The following ROBO1 variants were observed in gnomAD, a reference collection of about 807,000 sequenced individuals.
ROBO1 encodes roundabout guidance receptor 1, also known as roundabout homolog 1.
ROBO1 carries 149 observed loss-of-function variants against 195.9 expected under a neutral mutation model. The ratio of observed to expected loss-of-function variants is 0.76; its 90% confidence interval spans 0.67 to 0.87. The LOEUF (loss-of-function observed/expected upper bound fraction) is 0.87, where lower values mean the gene tolerates loss of function less well. ROBO1 is among the 40% of genes least tolerant of loss of function. The pLI is 0.00. For synonymous variants in ROBO1, 816 were observed against 733.2 expected (o/e 1.11, Z -1.82); for missense variants, 1,933 against 2,068.3 (o/e 0.93, Z 1.27).
Position 79,745,757 on chromosome 3 carries a change from C to A in ROBO1, c.-51+21995G>T, listed in dbSNP as rs188682237. Among the ~76,000 whole-genome samples the A allele has an allele frequency of 4.6e-5, 7 of 152,154 alleles. No homozygotes were observed. In the East Asian group the frequency reaches 1.2e-3, roughly 25 times the overall value. On this transcript the variant is annotated intron_variant, in intron 1 of 30. Coordinates refer to ENST00000464233, the MANE Select transcript of ROBO1 (RefSeq NM_002941.4). Reference sequence around the variant, plus strand: ...AGTATAGTCTATTAGAGTGTAATTACAATTATAAGGAAATAAGTTAGTTCA... The same window carrying A: ...AGTATAGTCTATTAGAGTGTAATTAAAATTATAAGGAAATAAGTTAGTTCA...
At chr3:78,672,069 C>G (rs1370046567) in intron 10 of ROBO1, among the ~76,000 whole-genome samples, 1 of 152,092 alleles carries the variant, frequency 6.6e-6, no homozygotes, top group African/African-American at 2.4e-5. Flanking sequence ...TTCTCTAAGC[C>G]TCAGTTTTGT....
intron 8 of ROBO1, among the ~76,000 whole-genome samples, chr3:78,698,655 C>A (rs1367338025): frequency 3.3e-5 from 5 of 152,098 alleles, no homozygotes; most frequent in African/African-American, 1.2e-4. Context: ...CCCAAGACAA[C>A]GTCCCAAAGC....
intron 2 of ROBO1, among the ~76,000 whole-genome samples, chr3:79,558,705 T>G (rs1319045803): frequency 6.6e-6 from 1 of 152,184 alleles, no homozygotes; most frequent in Non-Finnish European, 1.5e-5. Flanking sequence ...GTTATGAATG[T>G]TGTCTCGGAT....
chr3:78,620,881 A>ATGTGTGTGTG (rs778171914), intron 26 of ROBO1, among the ~76,000 whole-genome samples: 10 of 27,556 alleles, frequency 3.6e-4, no homozygotes, highest in Admixed American at 1.2e-3. Context: ...TTATATATAT[A>ATGTGTGTGTG]TATGTGTGTG....
intron 3 of ROBO1, among the ~76,000 whole-genome samples, chr3:79,089,945 T>C (rs1840599): frequency 1.7e-4 from 2 of 11,938 alleles, no homozygotes; most frequent in Non-Finnish European, 3.2e-4. Context: ...CTTTCTTTTT[T>C]TTTTTTTTTT....
At chr3:79,701,987 C>T (rs868039433) in intron 1 of ROBO1, among the ~76,000 whole-genome samples, 1 of 151,690 alleles carries the variant, frequency 6.6e-6, no homozygotes, top group Non-Finnish European at 1.5e-5. Context: ...ATCTAAACTT[C>T]GTCCTCTCAT....
At position 79,714,873 on chromosome 3, in the gene ROBO1, A is replaced by G. The variant is rs564387582; in HGVS notation, c.-51+52879T>C. On this transcript the variant is annotated intron_variant, in intron 1 of 30. Coordinates refer to ENST00000464233, the MANE Select transcript of ROBO1 (RefSeq NM_002941.4). The stretch of plus-strand genomic sequence containing the variant: ...TGGGGTGGGGGGAGGGGGGAGGGAT[A>G]GCATTAGGAGATATACCTAATGCTA... Among the ~76,000 whole-genome samples the G allele has an allele frequency of 7.8e-4, 116 of 148,018 alleles. 1 individual carries two copies. Among genetic ancestry groups the G allele is most frequent in the African/African-American group, 2.9e-3 (115 of 39,554 alleles).
chr3:79,703,961 A>C (rs1030838439), intron 1 of ROBO1, among the ~76,000 whole-genome samples: 1 of 152,074 alleles, frequency 6.6e-6, no homozygotes, highest in African/African-American at 2.4e-5. Context: ...GGACAGATTT[A>C]TTGTTTTATA....
In ROBO1 at chr3:79,573,456, A is replaced by G. The variant is rs572268244; in HGVS notation, c.88+16368T>C. On this transcript the variant is annotated intron_variant, in intron 2 of 30. Coordinates refer to ENST00000464233, the MANE Select transcript of ROBO1 (RefSeq NM_002941.4). ...TCACCAGAAATTAAAGATACAGTAGATTAGATATATGACAGTCTTCAATTA... is the reference window on the plus strand; with the variant it reads ...TCACCAGAAATTAAAGATACAGTAGGTTAGATATATGACAGTCTTCAATTA... 2.6e-5 allele frequency among the ~76,000 whole-genome samples: 4 copies of G among 152,324 alleles called. No homozygotes were observed. In the East Asian group the frequency reaches 7.7e-4, roughly 29 times the overall value.
intron 1 of ROBO1, among the ~76,000 whole-genome samples, chr3:79,715,839 G>T (rs78694934): frequency 0.068 from 10,314 of 152,064 alleles, 466 homozygotes; most frequent in Non-Finnish European, 0.1. Flanking sequence ...CATTTAAATA[G>T]AAGAACCAAA....
rs1469540385 is a variant in ROBO1 at position 78,711,368 on chromosome 3, TTCCTTCCTTCCTTC to T, written c.1045+3015_1045+3028del. On this transcript the variant is annotated intron_variant, in intron 8 of 30. Coordinates refer to ENST00000464233, the MANE Select transcript of ROBO1 (RefSeq NM_002941.4). ...CCTTCCTCCTTCCTTCCTTCCTTCCTTCCTTCCTTCCTTCCTTCCTTCCTTCCTTCCTTTCTTTC... is the reference window on the plus strand; with the variant it reads ...CCTTCCTCCTTCCTTCCTTCCTTCCTCTTCCTTCCTTCCTTCCTTTCTTTC... Among the ~76,000 whole-genome samples the T allele has an allele frequency of 4.0e-3, 239 of 59,798 alleles. 43 individuals carry two copies. Among genetic ancestry groups the T allele is most frequent in the East Asian group, 7.3e-3 (16 of 2,182 alleles). 39.2% of individuals were successfully genotyped at this position (59,798 alleles called of 152,430 possible). A position where few individuals can be genotyped will look rare whatever the true frequency, so the allele number is the denominator to read the frequency against.
intron 10 of ROBO1, among the ~76,000 whole-genome samples, chr3:78,677,346 A>G (rs1369981598): frequency 1.3e-5 from 2 of 152,172 alleles, no homozygotes; most frequent in East Asian, 1.9e-4. Flanking sequence ...ATGTAAATGG[A>G]CTAAATGCTC....
At chr3:79,236,154 C>G (rs572494856) in intron 2 of ROBO1, among the ~76,000 whole-genome samples, 1 of 150,848 alleles carries the variant, frequency 6.6e-6, no homozygotes, top group East Asian at 1.9e-4. Flanking sequence ...ACACGTATGA[C>G]ATTTTCATAC....
At chr3:79,325,331 T>G (rs1302977617) in intron 2 of ROBO1, among the ~76,000 whole-genome samples, 1 of 152,174 alleles carries the variant, frequency 6.6e-6, no homozygotes, top group Non-Finnish European at 1.5e-5. Context: ...TCCTACACAT[T>G]GTTTTATTTC....
At chr3:78,798,213 G>A (rs2084244322) in intron 4 of ROBO1, among the ~76,000 whole-genome samples, 1 of 152,110 alleles carries the variant, frequency 6.6e-6, no homozygotes, top group African/African-American at 2.4e-5. Context: ...TATCATTTCA[G>A]TAACTGTTAC....
At chr3:79,272,196 T>G (rs1025503121) in intron 2 of ROBO1, among the ~76,000 whole-genome samples, 1 of 151,978 alleles carries the variant, frequency 6.6e-6, no homozygotes, top group Non-Finnish European at 1.5e-5. Context: ...GAAAGAAAAT[T>G]TATAATGTAT....
At chr3:78,884,141 G>T (rs932965772) in intron 4 of ROBO1, among the ~76,000 whole-genome samples, 2 of 152,082 alleles carry the variant, frequency 1.3e-5, no homozygotes, top group African/African-American at 4.8e-5. Context: ...TGAACAGTTA[G>T]ATGCCAAGCA....
chr3:79,062,909 C>A (rs188921231), intron 3 of ROBO1, among the ~76,000 whole-genome samples: 1 of 150,814 alleles, frequency 6.6e-6, no homozygotes, highest in East Asian at 1.9e-4. Context: ...TGCAGCAAAC[C>A]AACATGGTAT....
intron 2 of ROBO1, among the ~76,000 whole-genome samples, chr3:79,315,190 C>T (rs2033677907): frequency 6.6e-6 from 1 of 152,052 alleles, no homozygotes; most frequent in African/African-American, 2.4e-5. Flanking sequence ...ACCTGTAATC[C>T]CAGAACTTTA....
Sources: gnomAD v4.1 joint callset for allele counts (sites outside exome capture counted in the v4.1 genomes callset) on GRCh38, gnomAD v4.1.1 for gene constraint, MANE v1.5 for transcripts, NCBI Gene and HGNC (gene_info 2026-07-23, HGNC 2026-07-21) for gene names.